Variants in ALG8 observed in about 807,000 individuals in gnomAD.
ALG8 encodes the protein ALG8 alpha-1,3-glucosyltransferase.
ALG8 carries 48 observed loss-of-function variants against 70.2 expected under a neutral mutation model. The observed-to-expected ratio is 0.68, with a 90% confidence interval of 0.54 to 0.87. The LOEUF (loss-of-function observed/expected upper bound fraction) is 0.87. Ranked by LOEUF, ALG8 falls within the 40% of genes least tolerant of loss-of-function variation. ALG8 has a pLI of 0.00. For missense variants in ALG8, 572 were observed against 608.7 expected, an observed-to-expected ratio of 0.94 and a Z score of 0.64; for synonymous variants, 234 against 229.0, an observed-to-expected ratio of 1.02 and a Z score of -0.20.
intron 1 of ALG8, among the ~76,000 whole-genome samples, chr11:78,134,132 C>T (rs1487093388): frequency 6.6e-6 from 1 of 150,558 alleles, no homozygotes; most frequent in Non-Finnish European, 1.5e-5. Flanking sequence ...TGACTTGTGG[C>T]AAACTGGTTT....
At chr11:78,107,052 C>G (rs1422401108) in intron 9 of ALG8, 106 bp from the exon 10 acceptor site, 1 of 1,338,888 alleles carries the variant, frequency 7.5e-7, no homozygotes, top group Non-Finnish European at 1.0e-6. Context: ...GACAGCCAAT[C>G]TTAGACAATT....
intron 10 of ALG8, among the ~76,000 whole-genome samples, chr11:78,105,770 G>A (rs899150997): frequency 1.3e-5 from 2 of 150,472 alleles, no homozygotes; most frequent in East Asian, 1.9e-4. Context: ...GTGCAGTGGC[G>A]CCATCTTGGC....
chr11:78,125,888 A>G (rs552709265), intron 2 of ALG8, among the ~76,000 whole-genome samples: 65 of 152,278 alleles, frequency 4.3e-4, no homozygotes, highest in African/African-American at 1.4e-3. Flanking sequence ...GGCCGGGCGC[A>G]GTGGCTCACG....
chr11:78,130,348 C>CAAAAAAAAAAAAAA (rs1174378754), intron 1 of ALG8, among the ~76,000 whole-genome samples: 3 of 49,152 alleles, frequency 6.1e-5, no homozygotes, highest in Admixed American at 2.9e-4. Flanking sequence ...GACCCGGTCT[C>CAAAAAAAAAAAAAA]AAAAAAAAAA....
intron 1 of ALG8, 177 bp downstream of exon 1, chr11:78,139,317 C>G: frequency 1.5e-6 from 1 of 670,890 alleles, no homozygotes; most frequent in Non-Finnish European, 2.6e-6. Flanking sequence ...CTGAACCTAG[C>G]CAGCTGGGGC....
chr11:78,127,928 C>T (rs1861148423), intron 1 of ALG8, among the ~76,000 whole-genome samples: 1 of 152,118 alleles, frequency 6.6e-6, no homozygotes, highest in Non-Finnish European at 1.5e-5. Flanking sequence ...TCTCAAACTC[C>T]TGACCTCAGG....
rs1013207586 is a variant in ALG8, at chr11:78,125,802, G to A, written c.174+1556C>T. ...CCGGCCTGGGTGAGAGTGAGACTTC[G>A]TCTCAAAAGAAAAGAAAACAAAACA... On this transcript the variant is annotated intron_variant, in intron 2 of 12. Coordinates refer to ENST00000299626, the MANE Select transcript of ALG8 (RefSeq NM_024079.5). Among the ~76,000 whole-genome samples, 8 of 151,754 alleles carry A rather than the reference G, an allele frequency of 5.3e-5. No homozygotes were observed. The South Asian group carries it at 1.5e-3, about 28-fold the overall frequency.
rs1046795630 is a variant in ALG8 at position 78,127,693 on chromosome 11, G to C, written c.96-257C>G. On this transcript the variant is annotated intron_variant, in intron 1 of 12. Coordinates refer to ENST00000299626, the MANE Select transcript of ALG8 (RefSeq NM_024079.5). ...ACCTAAAGGGCTGACAAGAAGCCCA[G>C]ACTTTCTCTTTTTCTTTTCTTTTTT... 7.5e-5 allele frequency among the ~76,000 whole-genome samples: 11 copies of C among 146,346 alleles called. No homozygotes were observed. The South Asian group carries it at 2.4e-3, about 32-fold the overall frequency.
intron 5 of ALG8, among the ~76,000 whole-genome samples, chr11:78,115,520 T>C (rs1279792774): frequency 6.6e-6 from 1 of 151,612 alleles, no homozygotes; most frequent in African/African-American, 2.4e-5. Context: ...GTAGCTGGGA[T>C]TACAAGTGCC....
In ALG8 at chr11:78,112,722, G is replaced by A; in HGVS notation, c.826C>T (p.Leu276Phe). Reference sequence around the variant, plus strand: ...TTTGGAGCCCAATATGCATGACAGAGGCCCCTCTTGAAAGGAAAGAGTCGG... The same window carrying A: ...TTTGGAGCCCAATATGCATGACAGAAGCCCCTCTTGAAAGGAAAGAGTCGG... ...FSRLFPFKRGLCHAYWAPNFW... is the reference protein window; with the variant it reads ...FSRLFPFKRGFCHAYWAPNFW... Residue 276 changes from leucine to phenylalanine, a missense_variant, in exon 8 of 13, where the codon CTC becomes TTC. Coordinates refer to ENST00000299626, the MANE Select transcript of ALG8 (RefSeq NM_024079.5). The A allele has an allele frequency of 6.2e-7, 1 of 1,614,062 alleles. No homozygotes were observed. The highest frequency in any genetic ancestry group is 8.5e-7 in the Non-Finnish European group (1 of 1,179,954).
At chr11:78,102,162 G>A (rs681443) in intron 12 of ALG8, among the ~76,000 whole-genome samples, 31,736 of 152,008 alleles carry the variant, frequency 0.21, 3,907 homozygotes, top group African/African-American at 0.34. Context: ...TGCGCCCATC[G>A]CCACTATCCA....
At chr11:78,126,666 A>G (rs547729911) in intron 2 of ALG8, among the ~76,000 whole-genome samples, 1 of 152,354 alleles carries the variant, frequency 6.6e-6, no homozygotes, top group South Asian at 2.1e-4. Flanking sequence ...ACAAAATCAC[A>G]AAACATTAGG....
chr11:78,113,426 T>C (rs952450992), intron 7 of ALG8, among the ~76,000 whole-genome samples: 1 of 152,004 alleles, frequency 6.6e-6, no homozygotes, highest in East Asian at 1.9e-4. Flanking sequence ...AATACTACCT[T>C]ATCGGGCCAA....
At chr11:78,123,447 T>C (rs1239936978) in intron 3 of ALG8, among the ~76,000 whole-genome samples, 1 of 151,690 alleles carries the variant, frequency 6.6e-6, no homozygotes, top group Non-Finnish European at 1.5e-5. Flanking sequence ...AAAATTAACT[T>C]ATAAGTAAAA....
At chr11:78,117,209 A>G (rs1225041779) in intron 5 of ALG8, among the ~76,000 whole-genome samples, 2 of 152,128 alleles carry the variant, frequency 1.3e-5, no homozygotes, top group Admixed American at 6.6e-5. Context: ...TGAGGCTAGG[A>G]GGGTTAAATA....
chr11:78,106,726 G>A, intron 10 of ALG8, 81 bp downstream of exon 10: 4 of 1,583,388 alleles, frequency 2.5e-6, no homozygotes, highest in Non-Finnish European at 2.6e-6. Flanking sequence ...TGGTGAACAT[G>A]ACAAGAAGGG....
chr11:78,107,495 A>G (rs1860094017), intron 9 of ALG8, among the ~76,000 whole-genome samples: 1 of 147,942 alleles, frequency 6.8e-6, no homozygotes, highest in South Asian at 2.2e-4. Context: ...CTGGGATTAC[A>G]GGTTTGAGCC....
At chr11:78,107,482 G>A (rs1011654914) in intron 9 of ALG8, among the ~76,000 whole-genome samples, 15 of 148,026 alleles carry the variant, frequency 1.0e-4, no homozygotes, top group African/African-American at 3.7e-4. Context: ...GCCTCCCAAA[G>A]TGCTGGGATT....
intron 8 of ALG8, chr11:78,112,290 G>A (rs1421925471): frequency 3.1e-6 from 1 of 323,604 alleles, no homozygotes; most frequent in Admixed American, 4.2e-5. Context: ...AAAATAAGTA[G>A]GGGTTTGAAT....
Sources: allele counts gnomAD v4.1 joint callset (sites outside exome capture counted in the v4.1 genomes callset), GRCh38; gene constraint gnomAD v4.1.1; transcripts MANE v1.5; gene names NCBI Gene and HGNC (gene_info 2026-07-23, HGNC 2026-07-21).